Variants in DMD observed in about 807,000 individuals in gnomAD.
DMD encodes the protein mutant dystrophin.
In DMD, 63 loss-of-function variants were observed where a neutral mutation model predicts 330.1. That is an observed-to-expected ratio of 0.19 (90% CI 0.16 to 0.24). The LOEUF (loss-of-function observed/expected upper bound fraction) is 0.24, where lower values mean the gene tolerates loss of function less well. Ranked by LOEUF, DMD falls within the 10% of genes least tolerant of loss-of-function variation. The probability of loss-of-function intolerance (pLI) is 1.00; values close to 1 mark genes in which losing one functional copy is unlikely to be tolerated. For missense variants in DMD, 3,344 were observed against 2,684.1 expected (o/e 1.25, Z -5.43); for synonymous variants, 1,223 against 959.8 (o/e 1.27, Z -5.07).
intron 1 of DMD, among the ~76,000 whole-genome samples, chrX:33,193,124 T>C (rs1296855904): frequency 9.0e-6 from 1 of 111,495 alleles, no homozygotes; most frequent in Admixed American, 9.5e-5. Flanking sequence ...CTGGCCAACA[T>C]GGCAAAACCC....
At chrX:31,508,745 C>T (rs993733267) in intron 55 of DMD, among the ~76,000 whole-genome samples, 17 of 110,977 alleles carry the variant, frequency 1.5e-4, no homozygotes, top group African/African-American at 5.6e-4. Flanking sequence ...TTCTGAAGCT[C>T]CAAACAATTG....
intron 43 of DMD, among the ~76,000 whole-genome samples, chrX:32,224,145 C>T (rs2097140186): frequency 9.0e-6 from 1 of 111,043 alleles, no homozygotes. Flanking sequence ...AATAATTTAT[C>T]CTACTCTGTG....
chrX:32,380,733 C>T (rs72468636), intron 33 of DMD, 53 bp from the exon 34 acceptor site: 21 of 1,045,156 alleles, frequency 2.0e-5, no homozygotes, highest in South Asian at 5.9e-5. Flanking sequence ...ATTCAAATTT[C>T]GTTATAACCA....
intron 7 of DMD, among the ~76,000 whole-genome samples, chrX:32,702,358 T>A (rs772887222): frequency 6.6e-4 from 73 of 111,417 alleles, no homozygotes; most frequent in Non-Finnish European, 1.0e-3. Flanking sequence ...TAGCTGGAAA[T>A]GAGGGAATGG....
At chrX:32,612,716 G>A (rs773880818) in intron 12 of DMD, among the ~76,000 whole-genome samples, 1 of 111,362 alleles carries the variant, frequency 9.0e-6, no homozygotes, top group East Asian at 2.9e-4. Context: ...TGCTCAATTA[G>A]TATCTATATG....
intron 17 of DMD, among the ~76,000 whole-genome samples, chrX:32,523,667 G>T (rs1176476302): frequency 9.0e-6 from 1 of 111,586 alleles, no homozygotes; most frequent in Non-Finnish European, 1.9e-5. Context: ...GGGTCATTGG[G>T]TCTTCATTTT....
chrX:32,856,359 T>A (rs953261471), intron 2 of DMD, among the ~76,000 whole-genome samples: 3 of 112,072 alleles, frequency 2.7e-5, no homozygotes, highest in African/African-American at 9.7e-5. Context: ...ATCTGCACCC[T>A]CATGTTTATT....
intron 34 of DMD, among the ~76,000 whole-genome samples, chrX:32,368,308 A>G (rs767318592): frequency 1.7e-4 from 19 of 110,513 alleles, no homozygotes; most frequent in Non-Finnish European, 3.2e-4. Flanking sequence ...ATTTGATATC[A>G]TACTAGAAAA....
Position 31,207,760 on chromosome X carries a change from G to A in DMD, c.9564-1093C>T, listed in dbSNP as rs1323196491. On this transcript the variant is annotated intron_variant, in intron 65 of 78. Coordinates refer to ENST00000357033, the MANE Select transcript of DMD (RefSeq NM_004006.3). ...AGGGAGAGGAGCAGAAAAGACAACT[G>A]TTGGGTACTGCGCTTAACCCATTTA... Among the ~76,000 whole-genome samples, 7 of 111,590 alleles carry A rather than the reference G, an allele frequency of 6.3e-5. No homozygotes were observed. The East Asian group carries it at 2.0e-3, about 31-fold the overall frequency.
At chrX:31,291,576 T>A (rs2053698811) in intron 62 of DMD, among the ~76,000 whole-genome samples, 1 of 111,987 alleles carries the variant, frequency 8.9e-6, no homozygotes, top group Non-Finnish European at 1.9e-5. Context: ...TTAAGTCAAC[T>A]GACACTGACA....
intron 44 of DMD, among the ~76,000 whole-genome samples, chrX:32,064,757 T>C (rs1245646307): frequency 3.6e-5 from 4 of 111,499 alleles, no homozygotes; most frequent in Admixed American, 9.6e-5. Context: ...ACAAGTTTTC[T>C]ACCCAAATTT....
intron 47 of DMD, among the ~76,000 whole-genome samples, chrX:31,885,841 G>T (rs999529109): frequency 9.1e-6 from 1 of 110,164 alleles, no homozygotes; most frequent in Non-Finnish European, 1.9e-5. Flanking sequence ...TGAATATTTT[G>T]AAAATTAAAA....
chrX:32,831,956 C>T (rs1270404028), intron 4 of DMD, among the ~76,000 whole-genome samples: 3 of 110,518 alleles, frequency 2.7e-5, no homozygotes, highest in African/African-American at 9.9e-5. Context: ...GTGACAAGGA[C>T]ATTTCAGAGC....
chrX:32,721,066 TTG>T (rs113205688), intron 7 of DMD, among the ~76,000 whole-genome samples: 3,485 of 108,751 alleles, frequency 0.032, 150 homozygotes, highest in African/African-American at 0.099. Context: ...GGCTGAATAT[TTG>T]TGTGTGTGTG....
At chrX:31,920,855 A>G (rs143181836) in intron 47 of DMD, among the ~76,000 whole-genome samples, 82 of 112,652 alleles carry the variant, frequency 7.3e-4, no homozygotes, top group Non-Finnish European at 1.3e-3. Context: ...TGCTTGATAT[A>G]CATTTTCAGT....
chrX:32,870,978 A>AC (rs2082926285), intron 2 of DMD, among the ~76,000 whole-genome samples: 1 of 83,711 alleles, frequency 1.2e-5, no homozygotes, highest in African/African-American at 4.2e-5. Context: ...AAAAAAAAAA[A>AC]AAAAAAAAAA....
chrX:33,112,856 C>T (rs2095350674), intron 1 of DMD, among the ~76,000 whole-genome samples: 1 of 108,266 alleles, frequency 9.2e-6, no homozygotes, highest in African/African-American at 3.4e-5. Context: ...GGGAGGCTGA[C>T]ACAGGAGAAT....
chrX:32,777,976 A>T (rs1308477420), intron 7 of DMD, among the ~76,000 whole-genome samples: 1 of 112,186 alleles, frequency 8.9e-6, no homozygotes, highest in Non-Finnish European at 1.9e-5. Context: ...TACAAGAAGC[A>T]ATCCCAGCAA....
At chrX:32,236,086 T>G (rs1482586177) in intron 43 of DMD, among the ~76,000 whole-genome samples, 1 of 111,985 alleles carries the variant, frequency 8.9e-6, no homozygotes, top group Non-Finnish European at 1.9e-5. Context: ...GGTGATAGGA[T>G]TTCCTCCTCA....
Sources: gnomAD v4.1 joint callset for allele counts (sites outside exome capture counted in the v4.1 genomes callset) on GRCh38, gnomAD v4.1.1 for gene constraint, MANE v1.5 for transcripts, NCBI Gene and HGNC (gene_info 2026-07-23, HGNC 2026-07-21) for gene names.